RNF39: variants seen among roughly 807,000 people sequenced by gnomAD.
The protein encoded by RNF39 is LTP (long-term potentiation) induced RING finger protein.
A neutral mutation model predicts 29.2 loss-of-function variants in RNF39; 25 were observed. The ratio of observed to expected loss-of-function variants is 0.86; its 90% CI spans 0.62 to 1.20. The LOEUF (loss-of-function observed/expected upper bound fraction) is 1.20. RNF39 is among the 50% of genes most tolerant of loss of function. The pLI, the probability that RNF39 is intolerant of heterozygous loss-of-function variation, is 0.00. For missense variants in RNF39, 519 were observed against 515.0 expected, an observed-to-expected ratio of 1.01 and a Z score of -0.08; for synonymous variants, 219 against 229.0, an observed-to-expected ratio of 0.96 and a Z score of 0.40.
chr6:30,075,388 G>T lies in RNF39; in HGVS notation c.198C>A (p.Cys66Ter), dbSNP rs1047288924. The change falls in exon 1 of 4, where the codon TGC becomes TGA. Residue 66 changes from cysteine (C) to a stop codon, truncating the protein, a stop_gained. Transcript: ENST00000244360. LOFTEE classifies it high-confidence loss of function. ...TEASPTACPCCGLPCPRRSLR... is the reference protein window; with the variant it reads ...TEASPTACPC ...GGCTGCGGCGGGGACACGGCAGGCC[G>T]CAGCAGGGACAGGCGGTGGGGGAAG... is the stretch of plus-strand genomic sequence containing the variant. 2 of 1,567,698 alleles carry T rather than the reference G, an allele frequency of 1.3e-6. No homozygotes were observed. Among genetic ancestry groups the T allele is most frequent in the African/African-American group, 1.4e-5 (1 of 73,968 alleles).
rs1420219395 is a variant in RNF39, at chr6:30,071,452, C to T, written c.718G>A (p.Glu240Lys). The T allele has an allele frequency of 1.4e-5, 22 of 1,556,630 alleles. No individual in the cohort carries two copies. The highest frequency in any genetic ancestry group is 1.8e-5 in the Non-Finnish European group (21 of 1,159,264). ...DSSGEDADDE[E>K]SHYAVGAAGE... The stretch of plus-strand genomic sequence containing the variant: ...GCCGCGCCCACTGCATAGTGGCTCT[C>T]CTCGTCGTCCGCATCCTCCCCAGAA... Residue 240 changes from glutamate to lysine, a missense_variant, in exon 4 of 4, where the codon GAG (glutamate) becomes AAG (lysine). By Grantham distance (56) the Glu-to-Lys change is moderately conservative. Coordinates refer to ENST00000244360, the MANE Select transcript of RNF39 (RefSeq NM_025236.4). This position sits in a 1 kb window ranked among gnomAD's most constrained non-coding sequence, Gnocchi z 5.0.
In RNF39 at chr6:30,071,569, G is replaced by A. The variant is rs2127317227; in HGVS notation, c.601C>T (p.Gln201Ter). ...APPDGPKRFD[Q>*]LPAVLGAQGF... ...TGCGCACCCAGCACAGCTGGGAGCTGATCGAAGCGCTTGGGGCCGTCAGGG... is the reference window on the plus strand; with the variant it reads ...TGCGCACCCAGCACAGCTGGGAGCTAATCGAAGCGCTTGGGGCCGTCAGGG... Residue 201 changes from glutamine (Q) to a stop codon, truncating the protein, a stop_gained, in exon 4 of 4, where the codon CAG becomes TAG. Transcript: ENST00000244360. LOFTEE classifies it high-confidence loss of function. The surrounding 1 kb of genome is among the most constrained non-coding windows in gnomAD (Gnocchi z 5.0). The A allele has an allele frequency of 3.3e-6, 5 of 1,495,656 alleles. No homozygotes were observed. The highest frequency in any genetic ancestry group is 4.4e-6 in the Non-Finnish European group (5 of 1,128,090). The allele number at this position is 1,495,656 out of a possible 1,614,324, so 92.6% of individuals were successfully genotyped here.
At position 30,074,515 on chromosome 6, in the gene RNF39, G is replaced by C. The variant is rs752615930; in HGVS notation, c.363+708C>G. Reference sequence around the variant, plus strand: ...TCTCCCGCACCTCGCCTCCACCCCTGGCCGCTCCTGCCTGGGGCCTTGGGA... The same window carrying C: ...TCTCCCGCACCTCGCCTCCACCCCTCGCCGCTCCTGCCTGGGGCCTTGGGA... On this transcript the variant is annotated intron_variant, in intron 1 of 3. Coordinates refer to ENST00000244360, the MANE Select transcript of RNF39 (RefSeq NM_025236.4). The surrounding 1 kb of genome is among the most constrained non-coding windows in gnomAD (Gnocchi z 4.1). Among the ~76,000 whole-genome samples the C allele has an allele frequency of 3.0e-4, 46 of 152,044 alleles. No homozygotes were observed. The highest frequency in any genetic ancestry group is 6.2e-4 in the Non-Finnish European group (42 of 68,002).
chr6:30,075,444 A>C lies in RNF39; in HGVS notation c.142T>G (p.Trp48Gly). The change falls in exon 1 of 4, where the codon TGG becomes GGG. Residue 48 changes from tryptophan (W) to glycine (G), a missense_variant. Transcript: ENST00000244360. ...SFCRACLARR[W>G]GTPPATGTEA... ...GTGCCGGTCGCCGGCGGAGTCCCCCAGCGGCGGGCCAGACACGCGCGGCAG... is the reference window on the plus strand; with the variant it reads ...GTGCCGGTCGCCGGCGGAGTCCCCCCGCGGCGGGCCAGACACGCGCGGCAG... 6.4e-7 allele frequency: 1 copy of C among 1,552,210 alleles called. No homozygotes were observed. Among genetic ancestry groups the C allele is most frequent in the Non-Finnish European group, 8.7e-7 (1 of 1,151,470 alleles).
rs1198341494 is a variant in RNF39, at chr6:30,072,435, A to G, written c.478+722T>C. Among the ~76,000 whole-genome samples, 1 of 152,112 alleles carries G rather than the reference A, an allele frequency of 6.6e-6. No homozygotes were observed. Among genetic ancestry groups the G allele is most frequent in the African/African-American group, 2.4e-5 (1 of 41,410 alleles). ...TTCTCTAGGCAGTTTAAAGAAGGGT[A>G]GAGGCACCCTTCTTCTTGGGAGTGA... On this transcript the variant is annotated intron_variant, in intron 3 of 3. Coordinates refer to ENST00000244360, the MANE Select transcript of RNF39 (RefSeq NM_025236.4). The surrounding 1 kb of genome is among the most constrained non-coding windows in gnomAD (Gnocchi z 4.5).
rs940323330 is a variant in RNF39, at chr6:30,074,503, G to T, written c.363+720C>A. On this transcript the variant is annotated intron_variant, in intron 1 of 3. Transcript: ENST00000244360. This position sits in a 1 kb window ranked among gnomAD's most constrained non-coding sequence, Gnocchi z 4.1. ...CCCAGCGGCTGTTCTCCCGCACCTC[G>T]CCTCCACCCCTGGCCGCTCCTGCCT... Among the ~76,000 whole-genome samples the T allele has an allele frequency of 6.6e-6, 1 of 151,958 alleles. No individual in the cohort carries two copies. The highest frequency in any genetic ancestry group is 1.5e-5 in the Non-Finnish European group (1 of 67,960).
chr6:30,072,010 G>A lies in RNF39; in HGVS notation c.479-319C>T, dbSNP rs190658259. On this transcript the variant is annotated intron_variant, in intron 3 of 3. Transcript: ENST00000244360. This position sits in a 1 kb window ranked among gnomAD's most constrained non-coding sequence, Gnocchi z 4.5. ...TGTGGGGTTGGGGGAGGAAGAGTGA[G>A]GCTGATCTGACTTCGAGGGAGGAGT... 6.6e-6 allele frequency among the ~76,000 whole-genome samples: 1 copy of A among 152,196 alleles called. No homozygotes were observed. Among genetic ancestry groups the A allele is most frequent in the East Asian group, 1.9e-4 (1 of 5,146 alleles).
chr6:30,071,319 G>C lies in RNF39; in HGVS notation c.851C>G (p.Pro284Arg), dbSNP rs1765944925. Residue 284 changes from proline to arginine, a missense_variant, in exon 4 of 4, where the codon CCC becomes CGC. Coordinates refer to ENST00000244360, the MANE Select transcript of RNF39 (RefSeq NM_025236.4). This position sits in a 1 kb window ranked among gnomAD's most constrained non-coding sequence, Gnocchi z 5.0. ...GRLWALTAPE[P>R]TLLGGVEPPP... ...GGGCTCAACACCGCCCAGCAGGGTG[G>C]GTTCGGGTGCCGTGAGGGCCCACAG... 1.3e-6 allele frequency: 2 copies of C among 1,484,850 alleles called. No individual in the cohort carries two copies. 92.0% of individuals were successfully genotyped at this position (1,484,850 alleles called of 1,614,324 possible). A position where few individuals can be genotyped will look rare whatever the true frequency, so the allele number is the denominator to read the frequency against.
chr6:30,071,482 C>A lies in RNF39; in HGVS notation c.688G>T (p.Asp230Tyr). The change falls in exon 4 of 4, where the codon GAC becomes TAC. Residue 230 changes from aspartate (D) to tyrosine (Y), a missense_variant. Coordinates refer to ENST00000244360, the MANE Select transcript of RNF39 (RefSeq NM_025236.4). This position sits in a 1 kb window ranked among gnomAD's most constrained non-coding sequence, Gnocchi z 5.0. ...TCGTCCGCATCCTCCCCAGAAGAGT[C>A]TCTGCAGGAGGCGGCGTCCGCAGTC... ...VETADAASCR[D>Y]SSGEDADDEE... 2 of 1,566,190 alleles carry A rather than the reference C, an allele frequency of 1.3e-6. No homozygotes were observed. Among genetic ancestry groups the A allele is most frequent in the Non-Finnish European group, 1.7e-6 (2 of 1,161,372 alleles).
In RNF39 at chr6:30,071,453, CTCG is replaced by C. The variant is rs1436789872; in HGVS notation, c.714_716del (p.Asp238del). The C allele has an allele frequency of 5.1e-6, 8 of 1,557,920 alleles. No homozygotes were observed. The African/African-American group carries it at 8.3e-5, about 16-fold the overall frequency. On this transcript the variant is annotated inframe_deletion, in exon 4 of 4. Transcript: ENST00000244360. The surrounding 1 kb of genome is among the most constrained non-coding windows in gnomAD (Gnocchi z 5.0). ...CCGCGCCCACTGCATAGTGGCTCTCCTCGTCGTCCGCATCCTCCCCAGAAGAGT... is the reference window on the plus strand; with the variant it reads ...CCGCGCCCACTGCATAGTGGCTCTCCTCGTCCGCATCCTCCCCAGAAGAGT...
rs145943204 is a variant in RNF39 at position 30,072,782 on chromosome 6, A to G, written c.478+375T>C. On this transcript the variant is annotated intron_variant, in intron 3 of 3. Transcript: ENST00000244360. The surrounding 1 kb of genome is among the most constrained non-coding windows in gnomAD (Gnocchi z 4.5). ...AATGAAGGTCATTAGGGTGGGCTCT[A>G]ATCCAGATTGCTGACTTACAAAAAG... Among the ~76,000 whole-genome samples the G allele has an allele frequency of 2.1e-4, 32 of 152,332 alleles. No individual in the cohort carries two copies. The East Asian group carries it at 6.0e-3, about 28-fold the overall frequency.
At chr6:30,075,033 C>A (rs889311640) in intron 1 of RNF39, among the ~76,000 whole-genome samples, 190 bp downstream of exon 1, 3 of 152,206 alleles carry the variant, frequency 2.0e-5, no homozygotes, top group African/African-American at 7.2e-5. Context: ...TCAACTCCAT[C>A]CATCGTCCTT....
In RNF39 at chr6:30,070,943, C is replaced by T. The variant is rs117614998; in HGVS notation, c.*168G>A. On this transcript the variant is annotated 3_prime_UTR_variant, in exon 4 of 4. Coordinates refer to ENST00000244360, the MANE Select transcript of RNF39 (RefSeq NM_025236.4). The stretch of plus-strand genomic sequence containing the variant: ...TTGGTTTTGAGCAGGGACGTGGAAA[C>T]GTGGAGACCAGGTGAGGTCTCATTA... 0.01 allele frequency: 7,530 copies of T among 728,742 alleles called. 48 individuals carry two copies. Among genetic ancestry groups the T allele is most frequent in the Middle Eastern group, 0.022 (96 of 4,410 alleles). 45.1% of individuals were successfully genotyped at this position (728,742 alleles called of 1,614,324 possible).
Position 30,073,201 on chromosome 6 carries a change from G to A in RNF39, c.434C>T (p.Pro145Leu), listed in dbSNP as rs1337100991. 2.5e-6 allele frequency: 4 copies of A among 1,612,508 alleles called. No individual in the cohort carries two copies. Among genetic ancestry groups the A allele is most frequent in the Non-Finnish European group, 3.4e-6 (4 of 1,178,694 alleles). ...SKSSNSEDDL[P>L]EDYPVVKKML... Reference sequence around the variant, plus strand: ...TTTTTTGACCACTGGATAATCTTCAGGGAGATCATCCTCTGAATTAGATGA... The same window carrying A: ...TTTTTTGACCACTGGATAATCTTCAAGGAGATCATCCTCTGAATTAGATGA... The change falls in exon 3 of 4, where the codon CCT (proline) becomes CTT (leucine). Residue 145 changes from proline to leucine, a missense_variant. Coordinates refer to ENST00000244360, the MANE Select transcript of RNF39 (RefSeq NM_025236.4).
Position 30,075,578 on chromosome 6 carries a change from G to A in RNF39, c.8C>T (p.Ala3Val), listed in dbSNP as rs201647756. Residue 3 changes from alanine to valine, a missense_variant, in exon 1 of 4, where the codon GCG becomes GTG. Physicochemically the swap from Ala to Val is moderately conservative, Grantham distance 64. Coordinates refer to ENST00000244360, the MANE Select transcript of RNF39 (RefSeq NM_025236.4). Reference sequence around the variant, plus strand: ...CACCAGCCCCGGGCCCAGCTCGGGCGCATCCATGGAAAGCCAGGATCTGGA... The same window carrying A: ...CACCAGCCCCGGGCCCAGCTCGGGCACATCCATGGAAAGCCAGGATCTGGA... MDAPELGPGLVER... is the reference protein window; with the variant it reads MDVPELGPGLVER... 5.3e-5 allele frequency: 85 copies of A among 1,607,448 alleles called. No individual in the cohort carries two copies. The highest frequency in any genetic ancestry group is 1.0e-4 in the Admixed American group (6 of 59,878).
In RNF39 at chr6:30,071,291, C is replaced by T; in HGVS notation, c.879G>A (p.Pro293=). 6.7e-7 allele frequency: 1 copy of T among 1,500,928 alleles called. No homozygotes were observed. The highest frequency in any genetic ancestry group is 8.9e-7 in the Non-Finnish European group (1 of 1,128,258). The allele number at this position is 1,500,928 out of a possible 1,614,324, so 93.0% of individuals were successfully genotyped here. A position where few individuals can be genotyped will look rare whatever the true frequency, so the allele number is the denominator to read the frequency against. The change falls in exon 4 of 4, where the codon CCG becomes CCA. Residue 293 remains proline (P), a synonymous_variant. Transcript: ENST00000244360. The surrounding 1 kb of genome is among the most constrained non-coding windows in gnomAD (Gnocchi z 5.0). ...EPTLLGGVEP[P]PRRIRVDLDW... ...CCAGGTCCACGCGAATGCGCCGCGG[C>T]GGGGGCTCAACACCGCCCAGCAGGG...
rs376026295 is a variant in RNF39, at chr6:30,071,764, T to C, written c.479-73A>G. 2.5e-5 allele frequency: 31 copies of C among 1,246,146 alleles called. No individual in the cohort carries two copies. In the African/African-American group the frequency reaches 2.6e-4, roughly 10 times the overall value. 77.2% of individuals were successfully genotyped at this position (1,246,146 alleles called of 1,614,324 possible). Reference sequence around the variant, plus strand: ...ATCACAGGCGGGGTAGGGTGGAGAATAGTCAACGAAGATCACGTAAAAGAC... The same window carrying C: ...ATCACAGGCGGGGTAGGGTGGAGAACAGTCAACGAAGATCACGTAAAAGAC... On this transcript the variant is annotated intron_variant, in intron 3 of 3. Coordinates refer to ENST00000244360, the MANE Select transcript of RNF39 (RefSeq NM_025236.4). The surrounding 1 kb of genome is among the most constrained non-coding windows in gnomAD (Gnocchi z 5.0).
Position 30,073,254 on chromosome 6 carries a change from C to T in RNF39, c.387-6G>A. On this transcript the variant is annotated splice_region_variant and splice_polypyrimidine_tract_variant and intron_variant, in intron 2 of 3. Transcript: ENST00000244360. ...TGGATGTTGGGACTTCAAATCTACA[C>T]AGATGAGGGGAAGGGTCAGGAAATC... 2.5e-6 allele frequency: 4 copies of T among 1,596,624 alleles called. No individual in the cohort carries two copies. The highest frequency in any genetic ancestry group is 3.4e-6 in the Non-Finnish European group (4 of 1,164,372).
intron 3 of RNF39, 75 bp downstream of exon 3, chr6:30,073,081 CT>C: frequency 3.7e-6 from 4 of 1,086,562 alleles, no homozygotes; most frequent in South Asian, 2.5e-5. Context: ...GACCTGATCA[CT>C]TTTTAGGGCT....
Sources: allele counts gnomAD v4.1 joint callset (sites outside exome capture counted in the v4.1 genomes callset), GRCh38; gene constraint gnomAD v4.1.1; non-coding constraint Gnocchi (gnomAD v3.1); transcripts MANE v1.5; gene names NCBI Gene and HGNC (gene_info 2026-07-23, HGNC 2026-07-21).